The following HIRA variants were observed in gnomAD, a reference collection of about 807,000 sequenced individuals.
The protein encoded by HIRA is histone cell cycle regulator.
In HIRA, 13 loss-of-function variants were observed where a neutral mutation model predicts 126.6. The ratio of observed to expected loss-of-function variants is 0.10; its 90% CI spans 0.07 to 0.16. The LOEUF is 0.16. Among genes scored for constraint, HIRA ranks in the 10% least tolerant of loss-of-function variants. The probability of loss-of-function intolerance (pLI) is 1.00; values close to 1 mark genes in which losing one functional copy is unlikely to be tolerated. For synonymous variants in HIRA, 511 were observed against 520.0 expected (o/e 0.98, Z 0.24); for missense variants, 834 against 1,314.4 (o/e 0.63, Z 5.65).
intron 1 of HIRA, among the ~76,000 whole-genome samples, chr22:19,425,429 G>C (rs149312324): frequency 5.3e-5 from 8 of 152,254 alleles, no homozygotes; most frequent in Admixed American, 2.6e-4. Context: ...CTGGGGAAAG[G>C]GAGGGGTCAA....
In HIRA at chr22:19,405,612, G is replaced by T. The variant is rs1013688985; in HGVS notation, c.397+174C>A. 9 of 673,570 alleles carry T rather than the reference G, an allele frequency of 1.3e-5. No homozygotes were observed. The African/African-American group carries it at 1.6e-4, about 12-fold the overall frequency. The allele number at this position is 673,570 out of a possible 1,614,324, so 41.7% of individuals were successfully genotyped here. On this transcript the variant is annotated intron_variant, in intron 5 of 24. Transcript: ENST00000263208. ...GCAGCTGGAGACAGGTAGTGGACCC[G>T]GTGACTGCACAGATCTTAAGGGACA...
chr22:19,377,965 G>C lies in HIRA; in HGVS notation c.1517C>G (p.Ser506Cys), dbSNP rs763609359. The C allele has an allele frequency of 8.1e-6, 13 of 1,613,876 alleles. No individual in the cohort carries two copies. The highest frequency in any genetic ancestry group is 1.1e-5 in the Non-Finnish European group (13 of 1,179,900). The change falls in exon 14 of 25, where the codon TCC becomes TGC. Residue 506 changes from serine (S) to cysteine (C), a missense_variant. Ser to Cys is a moderately radical substitution (Grantham distance 112). Around this residue, in one of 5 missense-constraint regions of HIRA, gnomAD observed 468 missense variants for 574.2 expected, o/e 0.82. Coordinates refer to ENST00000263208, the MANE Select transcript of HIRA (RefSeq NM_003325.4). ...GGCGCCGAAGGAGTTAGGGGTACTG[G>C]AGTCCAGTGGCAGTAGCTGTGGACT... The part of the protein sequence containing the change: ...HSSPQLLPLD[S>C]STPNSFGASK...
At chr22:19,361,401 A>C (rs2146197658) in intron 16 of HIRA, 60 bp from the exon 17 acceptor site, 1 of 1,442,850 alleles carries the variant, frequency 6.9e-7, no homozygotes, top group East Asian at 2.3e-5. Context: ...GCATTTGGTA[A>C]AGGCAGGTCA....
At chr22:19,342,915 CTTA>C (rs2088647330) in intron 24 of HIRA, among the ~76,000 whole-genome samples, 1 of 152,164 alleles carries the variant, frequency 6.6e-6, no homozygotes, top group Non-Finnish European at 1.5e-5. Context: ...ACTACTCAGC[CTTA>C]AAAAGGAATG....
intron 5 of HIRA, among the ~76,000 whole-genome samples, chr22:19,400,324 A>C (rs544073089): frequency 2.0e-5 from 3 of 152,206 alleles, no homozygotes; most frequent in African/African-American, 7.2e-5. Context: ...GTATTTGGTG[A>C]GGATTGAAAT....
intron 13 of HIRA, among the ~76,000 whole-genome samples, chr22:19,379,994 G>C (rs1327901929): frequency 1.3e-5 from 2 of 151,562 alleles, no homozygotes; most frequent in African/African-American, 2.4e-5. Flanking sequence ...TTTTTTAGTA[G>C]AGACGGGGTT....
At chr22:19,414,762 C>T (rs186583351) in intron 1 of HIRA, among the ~76,000 whole-genome samples, 3 of 152,210 alleles carry the variant, frequency 2.0e-5, no homozygotes, top group South Asian at 2.1e-4. Flanking sequence ...TGGCTCACGC[C>T]GGTAATCCCA....
Position 19,356,902 on chromosome 22 carries a change from G to T in HIRA, c.2384C>A (p.Thr795Lys), listed in dbSNP as rs2088817562. ...GCCTGCCTCTCACCAGACAGAGAGT[G>T]TGGCTGCAGCGGTGAGCGCCATGAC... ...SYVMALTAAA[T>K]LSVWDVHRQV... Residue 795 changes from threonine to lysine, a missense_variant, in exon 19 of 25, where the codon ACA (threonine) becomes AAA (lysine). Coordinates refer to ENST00000263208, the MANE Select transcript of HIRA (RefSeq NM_003325.4). 6.8e-6 allele frequency: 11 copies of T among 1,613,814 alleles called. No individual in the cohort carries two copies. The highest frequency in any genetic ancestry group is 8.5e-6 in the Non-Finnish European group (10 of 1,179,956).
chr22:19,379,724 T>C (rs2146213170), intron 13 of HIRA, among the ~76,000 whole-genome samples: 1 of 152,036 alleles, frequency 6.6e-6, no homozygotes, highest in Non-Finnish European at 1.5e-5. Flanking sequence ...TTGGTCTTTA[T>C]TACTGATTTG....
chr22:19,334,689 T>C (rs1556005511), intron 24 of HIRA, among the ~76,000 whole-genome samples: 1 of 152,002 alleles, frequency 6.6e-6, no homozygotes, highest in Non-Finnish European at 1.5e-5. Context: ...CCCAAAGTGC[T>C]GGGATTAAGG....
chr22:19,355,644 CCTGA>C, intron 21 of HIRA, 112 bp downstream of exon 21: 1 of 693,782 alleles, frequency 1.4e-6, no homozygotes, highest in East Asian at 2.7e-5. Context: ...CACTCCAGGG[CCTGA>C]CTCTCAGGAA....
At chr22:19,339,050 G>A (rs1556006854) in intron 24 of HIRA, among the ~76,000 whole-genome samples, 1 of 152,086 alleles carries the variant, frequency 6.6e-6, no homozygotes, top group Non-Finnish European at 1.5e-5. Context: ...CCATATGATA[G>A]GCCACAAAAC....
intron 1 of HIRA, among the ~76,000 whole-genome samples, chr22:19,428,245 C>T (rs950621530): frequency 2.0e-5 from 3 of 152,152 alleles, no homozygotes; most frequent in Non-Finnish European, 4.4e-5. Context: ...TAGACAAGTG[C>T]TTCTCAATTG....
intron 21 of HIRA, among the ~76,000 whole-genome samples, chr22:19,354,873 TCTC>T (rs1173879065): frequency 6.6e-6 from 1 of 151,978 alleles, no homozygotes; most frequent in Non-Finnish European, 1.5e-5. Flanking sequence ...GCTCAAGGGA[TCTC>T]CTGCTTCAGC....
chr22:19,358,918 T>TG (rs781907912), intron 18 of HIRA, among the ~76,000 whole-genome samples: 2 of 152,036 alleles, frequency 1.3e-5, no homozygotes, highest in Non-Finnish European at 2.9e-5. Flanking sequence ...TGGGCTGGGA[T>TG]GGGGACTTCA....
Position 19,379,152 on chromosome 22 carries a change from C to G in HIRA, c.1416-1086G>C, listed in dbSNP as rs551986828. Among the ~76,000 whole-genome samples the G allele has an allele frequency of 4.7e-4, 72 of 151,650 alleles. 1 individual carries two copies. The East Asian group carries it at 0.012, about 25-fold the overall frequency. On this transcript the variant is annotated intron_variant, in intron 13 of 24. Transcript: ENST00000263208. ...ACGCCATTCTCCTGCCTCAGCCTCC[C>G]GAGTATCCCGCCACCATGCCCGGCT...
intron 24 of HIRA, among the ~76,000 whole-genome samples, chr22:19,336,316 C>T (rs1268777012): frequency 2.0e-5 from 3 of 152,124 alleles, no homozygotes; most frequent in Non-Finnish European, 2.9e-5. Flanking sequence ...CCAGGAAGAC[C>T]GAAAGAAATC....
intron 7 of HIRA, among the ~76,000 whole-genome samples, 198 bp downstream of exon 7, chr22:19,396,589 A>T (rs772173099): frequency 5.3e-5 from 8 of 152,228 alleles, no homozygotes; most frequent in Non-Finnish European, 8.8e-5. Flanking sequence ...AGCGTCTCAG[A>T]AATGAAGGAT....
chr22:19,413,935 G>A (rs1290812713), intron 1 of HIRA, among the ~76,000 whole-genome samples: 1 of 151,988 alleles, frequency 6.6e-6, no homozygotes, highest in Non-Finnish European at 1.5e-5. Flanking sequence ...CTCTTCTAAA[G>A]GGCTCTCTGA....
Sources: allele counts gnomAD v4.1 joint callset (sites outside exome capture counted in the v4.1 genomes callset), GRCh38; gene constraint gnomAD v4.1.1; regional missense constraint gnomAD v4.1.1; transcripts MANE v1.5; gene names NCBI Gene and HGNC (gene_info 2026-07-23, HGNC 2026-07-21).